Variants in GABBR2 observed in about 807,000 individuals in gnomAD.
GABBR2 encodes the protein G-protein coupled receptor 51.
Under a neutral mutation model 105.6 loss-of-function variants are expected in GABBR2, and 23 were observed. The observed-to-expected ratio is 0.22, with a 90% CI of 0.16 to 0.31. The LOEUF (loss-of-function observed/expected upper bound fraction) is 0.31. Ranked by LOEUF, GABBR2 falls within the 10% of genes least tolerant of loss-of-function variation. The pLI is 1.00. For missense variants in GABBR2, 734 were observed against 1,245.5 expected (o/e 0.59, Z 6.18); for synonymous variants, 478 against 499.7 (o/e 0.96, Z 0.58).
At chr9:98,403,793 T>A (rs1832442032) in intron 8 of GABBR2, among the ~76,000 whole-genome samples, 1 of 150,220 alleles carries the variant, frequency 6.7e-6, no homozygotes, top group Non-Finnish European at 1.5e-5. Context: ...ATATATTGTA[T>A]GTATAGTTAA....
At chr9:98,685,488 T>C (rs569624048) in intron 1 of GABBR2, among the ~76,000 whole-genome samples, 1 of 152,338 alleles carries the variant, frequency 6.6e-6, no homozygotes, top group East Asian at 1.9e-4. Context: ...AATTCTAATA[T>C]ACTTGTTGAA....
chr9:98,679,520 G>T (rs888800620), intron 1 of GABBR2, among the ~76,000 whole-genome samples: 1 of 152,196 alleles, frequency 6.6e-6, no homozygotes, highest in Non-Finnish European at 1.5e-5. Flanking sequence ...TATGAAAAGG[G>T]CTGTAATGAT....
At chr9:98,629,082 C>T (rs898564141) in intron 1 of GABBR2, among the ~76,000 whole-genome samples, 3 of 152,050 alleles carry the variant, frequency 2.0e-5, no homozygotes, top group African/African-American at 4.8e-5. Flanking sequence ...TTCTGGGTAA[C>T]GAAAGGGATC....
At chr9:98,625,211 G>C (rs764847849) in intron 1 of GABBR2, among the ~76,000 whole-genome samples, 2 of 152,210 alleles carry the variant, frequency 1.3e-5, no homozygotes, top group African/African-American at 2.4e-5. Context: ...CCAAAGGCAC[G>C]CTTGTGCTCC....
chr9:98,558,045 G>C (rs1301271862), intron 2 of GABBR2, among the ~76,000 whole-genome samples: 1 of 152,140 alleles, frequency 6.6e-6, no homozygotes, highest in Non-Finnish European at 1.5e-5. Flanking sequence ...GAATGAGTTA[G>C]ACTTTTATCT....
intron 6 of GABBR2, among the ~76,000 whole-genome samples, chr9:98,458,554 AG>A (rs1194456774): frequency 6.6e-6 from 1 of 152,100 alleles, no homozygotes; most frequent in African/African-American, 2.4e-5. Flanking sequence ...AAATACAAAA[AG>A]TTAGCTGCGC....
intron 3 of GABBR2, among the ~76,000 whole-genome samples, chr9:98,499,434 G>T (rs547656174): frequency 2.6e-5 from 4 of 152,204 alleles, no homozygotes; most frequent in Admixed American, 6.5e-5. Flanking sequence ...CGATGAACCA[G>T]AACAGGCCAG....
chr9:98,415,541 C>A (rs149190289), intron 7 of GABBR2, among the ~76,000 whole-genome samples: 13 of 152,314 alleles, frequency 8.5e-5, no homozygotes, highest in African/African-American at 3.1e-4. Flanking sequence ...GGGGCAAGCG[C>A]CTTTTCATCT....
At chr9:98,670,387 T>A (rs556147390) in intron 1 of GABBR2, among the ~76,000 whole-genome samples, 1 of 152,290 alleles carries the variant, frequency 6.6e-6, no homozygotes, top group South Asian at 2.1e-4. Flanking sequence ...TGGGCACTGT[T>A]GGTGGGAATG....
At chr9:98,310,240 G>T (rs1830614612) in intron 14 of GABBR2, among the ~76,000 whole-genome samples, 1 of 151,882 alleles carries the variant, frequency 6.6e-6, no homozygotes, top group Non-Finnish European at 1.5e-5. Flanking sequence ...CGTGGGCTTG[G>T]TATGTGATCT....
intron 1 of GABBR2, among the ~76,000 whole-genome samples, chr9:98,677,724 C>T (rs1328785011): frequency 3.3e-5 from 5 of 152,122 alleles, no homozygotes; most frequent in African/African-American, 7.2e-5. Context: ...TCCAGTCCTA[C>T]GGGCCCTCTT....
At chr9:98,473,399 T>C (rs1826724695) in intron 5 of GABBR2, 53 bp from the exon 6 acceptor site, 1 of 1,212,398 alleles carries the variant, frequency 8.2e-7, no homozygotes, top group Non-Finnish European at 1.2e-6. Flanking sequence ...AGTTCAAGGC[T>C]CTGTGCCCTG....
At chr9:98,456,954 TTAA>T (rs1826335012) in intron 6 of GABBR2, among the ~76,000 whole-genome samples, 1 of 152,234 alleles carries the variant, frequency 6.6e-6, no homozygotes, top group African/African-American at 2.4e-5. Context: ...GTCACATCAT[TTAA>T]TGTTTTGTTT....
At chr9:98,648,118 TAGATA>T (rs1324748546) in intron 1 of GABBR2, among the ~76,000 whole-genome samples, 1,590 of 141,708 alleles carry the variant, frequency 0.011, 11 homozygotes, top group Non-Finnish European at 0.018. Flanking sequence ...TGTGTGTGTA[TAGATA>T]GATAGATAGA....
At chr9:98,606,353 T>C (rs899190515) in intron 1 of GABBR2, among the ~76,000 whole-genome samples, 2 of 152,222 alleles carry the variant, frequency 1.3e-5, no homozygotes, top group African/African-American at 2.4e-5. Flanking sequence ...CGCCACACTG[T>C]CTTCCACAAT....
In GABBR2 at chr9:98,364,047, C is replaced by A. The variant is rs560377687; in HGVS notation, c.1771-1210G>T. ...AAAGGAGAAATAAAAACCCGAGGGG[C>A]CTTTATGTTACCGAATGTAAAAAGA... is the stretch of plus-strand genomic sequence containing the variant. On this transcript the variant is annotated intron_variant, in intron 12 of 18. Transcript: ENST00000259455. 2.0e-5 allele frequency among the ~76,000 whole-genome samples: 3 copies of A among 152,192 alleles called. No homozygotes were observed. The East Asian group carries it at 5.8e-4, about 29-fold the overall frequency.
intron 7 of GABBR2, among the ~76,000 whole-genome samples, chr9:98,440,993 A>G (rs534222260): frequency 1.3e-5 from 2 of 152,332 alleles, no homozygotes; most frequent in South Asian, 4.1e-4. Context: ...TTTTTCATAT[A>G]GGATCTGGAT....
At chr9:98,526,635 T>C (rs996604193) in intron 3 of GABBR2, among the ~76,000 whole-genome samples, 3 of 152,202 alleles carry the variant, frequency 2.0e-5, no homozygotes, top group Non-Finnish European at 2.9e-5. Context: ...TGTAAGCTCC[T>C]TGAGGGCAGG....
intron 1 of GABBR2, among the ~76,000 whole-genome samples, chr9:98,581,831 C>G (rs1416989977): frequency 1.3e-5 from 2 of 152,138 alleles, no homozygotes; most frequent in African/African-American, 2.4e-5. Flanking sequence ...ATAATATTAG[C>G]AACAATGAAT....
Sources: gnomAD v4.1 joint callset for allele counts (sites outside exome capture counted in the v4.1 genomes callset) on GRCh38, gnomAD v4.1.1 for gene constraint, MANE v1.5 for transcripts, NCBI Gene and HGNC (gene_info 2026-07-23, HGNC 2026-07-21) for gene names.